The following EBF1 variants were observed in gnomAD, a reference collection of about 807,000 sequenced individuals.
EBF1 encodes EBF transcription factor 1, also known as transcription factor COE1.
EBF1 carries 10 observed loss-of-function variants against 68.4 expected under a neutral mutation model. The ratio of observed to expected loss-of-function variants is 0.15; its 90% CI spans 0.09 to 0.25. EBF1 has a LOEUF of 0.25. Among genes scored for constraint, EBF1 ranks in the 10% least tolerant of loss-of-function variants. The pLI is 1.00. For missense variants in EBF1, 509 were observed against 794.4 expected (o/e 0.64, Z 4.32); for synonymous variants, 298 against 299.8 (o/e 0.99, Z 0.06).
intron 6 of EBF1, among the ~76,000 whole-genome samples, chr5:158,969,916 GAAA>G (rs61157554): frequency 0.046 from 3,720 of 80,000 alleles, 260 homozygotes; most frequent in Middle Eastern, 0.069. Flanking sequence ...AAGAAAGAAA[GAAA>G]AAAAAAAAAA....
chr5:158,907,364 C>T (rs1804882383), intron 6 of EBF1, among the ~76,000 whole-genome samples: 1 of 152,122 alleles, frequency 6.6e-6, no homozygotes, highest in South Asian at 2.1e-4. Flanking sequence ...TGAAAACCTA[C>T]ATTTATGGAT....
intron 8 of EBF1, among the ~76,000 whole-genome samples, chr5:158,804,309 C>T (rs988254764): frequency 6.6e-6 from 1 of 151,970 alleles, no homozygotes; most frequent in African/African-American, 2.4e-5. Flanking sequence ...CCAATTTATG[C>T]CATTTGCTAA....
Position 158,696,389 on chromosome 5 carries a change from T to C in EBF1, c.*2722A>G, listed in dbSNP as rs1755761853. ...AATTATACACATTTTAAAGGCTCTT[T>C]GGACTTTCAAGAAGAGTTCTAACCA... On this transcript the variant is annotated 3_prime_UTR_variant, in exon 16 of 16. Coordinates refer to ENST00000313708, the MANE Select transcript of EBF1 (RefSeq NM_024007.5). 1 of 222,028 alleles carries C rather than the reference T, an allele frequency of 4.5e-6. No individual in the cohort carries two copies. Among genetic ancestry groups the C allele is most frequent in the African/African-American group, 2.2e-5 (1 of 44,698 alleles). The allele number at this position is 222,028 out of a possible 1,614,324, so 13.8% of individuals were successfully genotyped here. A position where few individuals can be genotyped will look rare whatever the true frequency, so the allele number is the denominator to read the frequency against.
At chr5:158,757,866 A>G (rs1002791179) in intron 10 of EBF1, among the ~76,000 whole-genome samples, 2 of 152,222 alleles carry the variant, frequency 1.3e-5, no homozygotes, top group Non-Finnish European at 2.9e-5. Context: ...TTTATTAATA[A>G]GAATCGGGGG....
intron 6 of EBF1, among the ~76,000 whole-genome samples, chr5:158,879,162 G>A (rs1488393320): frequency 6.6e-6 from 1 of 151,952 alleles, no homozygotes; most frequent in Non-Finnish European, 1.5e-5. Flanking sequence ...TGTTTTGTTT[G>A]TAAACGTCTG....
chr5:158,814,940 A>G (rs1783419189), intron 8 of EBF1, among the ~76,000 whole-genome samples: 1 of 152,186 alleles, frequency 6.6e-6, no homozygotes, highest in Admixed American at 6.5e-5. Flanking sequence ...AATATACATG[A>G]TGTGCCCCAT....
At chr5:159,090,354 A>G (rs1310005476) in intron 4 of EBF1, among the ~76,000 whole-genome samples, 1 of 152,116 alleles carries the variant, frequency 6.6e-6, no homozygotes, top group Non-Finnish European at 1.5e-5. Flanking sequence ...AAACACTACA[A>G]ATCTGACATT....
intron 9 of EBF1, among the ~76,000 whole-genome samples, chr5:158,794,522 G>A (rs1779275545): frequency 6.6e-6 from 1 of 152,142 alleles, no homozygotes; most frequent in South Asian, 2.1e-4. Flanking sequence ...ATTCAATGGA[G>A]TCCACTTGGG....
intron 11 of EBF1, among the ~76,000 whole-genome samples, chr5:158,715,342 G>A (rs1414853601): frequency 2.0e-5 from 3 of 152,110 alleles, no homozygotes; most frequent in South Asian, 2.1e-4. Context: ...GGAGATAATC[G>A]CATTCATTTT....
rs144801154 is a variant in EBF1, at chr5:159,047,192, G to A, written c.554+26204C>T. On this transcript the variant is annotated intron_variant, in intron 6 of 15. Coordinates refer to ENST00000313708, the MANE Select transcript of EBF1 (RefSeq NM_024007.5). ...GTGAAGGTGTCTCTGAGAACTGAAGGGAAAGGGGCTAGAATCTGACGGATG... is the reference window on the plus strand; with the variant it reads ...GTGAAGGTGTCTCTGAGAACTGAAGAGAAAGGGGCTAGAATCTGACGGATG... 1.8e-4 allele frequency among the ~76,000 whole-genome samples: 28 copies of A among 152,308 alleles called. No homozygotes were observed. The East Asian group carries it at 4.2e-3, about 23-fold the overall frequency.
chr5:159,045,405 A>AT (rs35855682), intron 6 of EBF1, among the ~76,000 whole-genome samples: 2 of 149,388 alleles, frequency 1.3e-5, no homozygotes, highest in South Asian at 2.1e-4. Flanking sequence ...CTCAAAATGA[A>AT]TTTTTTTTTC....
intron 9 of EBF1, among the ~76,000 whole-genome samples, chr5:158,788,351 G>C (rs897024800): frequency 6.6e-6 from 1 of 152,110 alleles, no homozygotes; most frequent in Non-Finnish European, 1.5e-5. Context: ...ACAGAAAGGA[G>C]GGAAAAGGAT....
intron 6 of EBF1, among the ~76,000 whole-genome samples, chr5:158,982,290 A>T (rs1758055531): frequency 6.6e-6 from 1 of 152,216 alleles, no homozygotes; most frequent in Non-Finnish European, 1.5e-5. Context: ...GTTGTTACTA[A>T]TAGTATTATT....
At chr5:159,083,656 C>A (rs1780112456) in intron 5 of EBF1, among the ~76,000 whole-genome samples, 1 of 152,176 alleles carries the variant, frequency 6.6e-6, no homozygotes, top group African/African-American at 2.4e-5. Context: ...GTTGCTTTCC[C>A]CCACAAGTCC....
intron 6 of EBF1, among the ~76,000 whole-genome samples, chr5:158,893,535 C>A (rs753808323): frequency 6.6e-6 from 1 of 152,162 alleles, no homozygotes; most frequent in East Asian, 1.9e-4. Context: ...ATAAATCCCC[C>A]CAAAACACAG....
intron 6 of EBF1, among the ~76,000 whole-genome samples, chr5:159,009,098 T>C (rs1371492130): frequency 6.6e-6 from 1 of 152,170 alleles, no homozygotes; most frequent in Non-Finnish European, 1.5e-5. Context: ...TATTTTTAAC[T>C]TGATGTCAAG....
chr5:159,061,792 T>C (rs1377680502), intron 6 of EBF1, among the ~76,000 whole-genome samples: 1 of 152,092 alleles, frequency 6.6e-6, no homozygotes, highest in Admixed American at 6.6e-5. Context: ...AACTGGACTC[T>C]TCAACAAACA....
At chr5:159,023,729 T>C (rs1767176667) in intron 6 of EBF1, among the ~76,000 whole-genome samples, 1 of 152,218 alleles carries the variant, frequency 6.6e-6, no homozygotes, top group South Asian at 2.1e-4. Context: ...TTCAGATTTA[T>C]AGGGAAAGTC....
At chr5:158,872,197 TTTTC>T (rs1181703306) in intron 6 of EBF1, among the ~76,000 whole-genome samples, 2 of 146,868 alleles carry the variant, frequency 1.4e-5, no homozygotes, top group East Asian at 1.9e-4. Flanking sequence ...TGGTCTTTTC[TTTTC>T]TTTTTTTTTT....
Sources: allele counts gnomAD v4.1 joint callset (sites outside exome capture counted in the v4.1 genomes callset), GRCh38; gene constraint gnomAD v4.1.1; transcripts MANE v1.5; gene names NCBI Gene and HGNC (gene_info 2026-07-23, HGNC 2026-07-21).